The following UHMK1 variants were observed in gnomAD, a reference collection of about 807,000 sequenced individuals.
UHMK1 encodes the protein serine/threonine-protein kinase Kist.
In UHMK1, 18 loss-of-function variants were observed where a neutral mutation model predicts 44.0. The ratio of observed to expected loss-of-function variants is 0.41; its 90% CI spans 0.28 to 0.61. The LOEUF (loss-of-function observed/expected upper bound fraction) is 0.61. Among genes scored for constraint, UHMK1 ranks in the 20% least tolerant of loss-of-function variants. UHMK1 has a pLI of 0.31. For missense variants in UHMK1, 463 were observed against 522.5 expected, an observed-to-expected ratio of 0.89 and a Z score of 1.11; for synonymous variants, 231 against 198.5, an observed-to-expected ratio of 1.16 and a Z score of -1.38.
At chr1:162,519,810 T>C (rs1015976485) in intron 7 of UHMK1, among the ~76,000 whole-genome samples, 6 of 152,216 alleles carry the variant, frequency 3.9e-5, no homozygotes, top group African/African-American at 1.4e-4. Flanking sequence ...TTTCCTGATT[T>C]CTACCCACTT....
Position 162,498,066 on chromosome 1 carries a change from G to C in UHMK1, c.66G>C (p.Leu22=), listed in dbSNP as rs781553559. 6.8e-6 allele frequency: 11 copies of C among 1,607,864 alleles called. No individual in the cohort carries two copies. Among genetic ancestry groups the C allele is most frequent in the African/African-American group, 4.0e-5 (3 of 74,690 alleles). Residue 22 remains leucine, a synonymous_variant, in exon 1 of 8, where the codon CTG becomes CTC. Transcript: ENST00000489294. ...PPRFLEAFGR[L]WQVQSRLGSG... is the part of the protein sequence containing the mutation. The stretch of plus-strand genomic sequence containing the variant: ...GTTTTCTGGAGGCCTTCGGGCGGCT[G>C]TGGCAGGTACAGAGCCGTCTGGGTA...
Position 162,502,632 on chromosome 1 carries a change from A to T in UHMK1, c.754-1122A>T, listed in dbSNP as rs144401029. Among the ~76,000 whole-genome samples the T allele has an allele frequency of 1.7e-3, 265 of 152,244 alleles. No homozygotes were observed. In the East Asian group the frequency reaches 0.018, roughly 10 times the overall value. The stretch of plus-strand genomic sequence containing the variant: ...AATTTGTGTGAAATTTAGAGGGGTG[A>T]TGTGTAGTAATGGGATCTCCAATAT... On this transcript the variant is annotated intron_variant, in intron 3 of 7. Coordinates refer to ENST00000489294, the MANE Select transcript of UHMK1 (RefSeq NM_175866.5).
chr1:162,503,716 C>T (rs758583235), intron 3 of UHMK1, 38 bp from the exon 4 acceptor site: 4 of 1,513,874 alleles, frequency 2.6e-6, no homozygotes, highest in Non-Finnish European at 3.7e-6. Flanking sequence ...TAAATACAGA[C>T]TGAATAACCA....
intron 1 of UHMK1, among the ~76,000 whole-genome samples, chr1:162,498,884 G>T (rs1651162772): frequency 6.6e-6 from 1 of 152,188 alleles, no homozygotes; most frequent in African/African-American, 2.4e-5. Context: ...ACGACAGAAA[G>T]CTTATCATTA....
chr1:162,510,396 G>A (rs1034791752), intron 4 of UHMK1, among the ~76,000 whole-genome samples: 1 of 152,208 alleles, frequency 6.6e-6, no homozygotes, highest in Middle Eastern at 3.4e-3. Context: ...CCCCCACCCA[G>A]CCTCTGGTAA....
chr1:162,528,189 A>G lies in UHMK1; in HGVS notation c.*5639A>G, dbSNP rs1291961701. The G allele has an allele frequency of 2.0e-5, 3 of 152,040 alleles. No individual in the cohort carries two copies. The highest frequency in any genetic ancestry group is 4.4e-5 in the Non-Finnish European group (3 of 67,954). 9.4% of individuals were successfully genotyped at this position (152,040 alleles called of 1,614,324 possible). On this transcript the variant is annotated 3_prime_UTR_variant, in exon 8 of 8. Coordinates refer to ENST00000489294, the MANE Select transcript of UHMK1 (RefSeq NM_175866.5). Reference sequence around the variant, plus strand: ...TTAGTTATTTGAATTATATATAGCTATATTATTTTATTAGCTTGGGTTGTC... The same window carrying G: ...TTAGTTATTTGAATTATATATAGCTGTATTATTTTATTAGCTTGGGTTGTC...
chr1:162,498,026 G>C lies in UHMK1; in HGVS notation c.26G>C (p.Gly9Ala). The C allele has an allele frequency of 6.3e-7, 1 of 1,596,410 alleles. No individual in the cohort carries two copies. Among genetic ancestry groups the C allele is most frequent in the Non-Finnish European group, 8.5e-7 (1 of 1,170,062 alleles). The part of the protein sequence containing the change: MAGSGCAW[G>A]AEPPRFLEAF... ...ATGGCGGGATCCGGCTGCGCCTGGG[G>C]CGCGGAGCCGCCGCGTTTTCTGGAG... The change falls in exon 1 of 8, where the codon GGC becomes GCC. Residue 9 changes from glycine to alanine, a missense_variant. Coordinates refer to ENST00000489294, the MANE Select transcript of UHMK1 (RefSeq NM_175866.5).
At chr1:162,513,286 A>T (rs752688309) in intron 6 of UHMK1, among the ~76,000 whole-genome samples, 1 of 152,066 alleles carries the variant, frequency 6.6e-6, no homozygotes, top group Non-Finnish European at 1.5e-5. Flanking sequence ...TTTACGTTTC[A>T]TCTTTACCCA....
At position 162,520,928 on chromosome 1, in the gene UHMK1, A is replaced by G. The variant is rs1381511256; in HGVS notation, c.1114-1476A>G. 3.3e-5 allele frequency among the ~76,000 whole-genome samples: 5 copies of G among 152,320 alleles called. No individual in the cohort carries two copies. The East Asian group carries it at 9.6e-4, about 29-fold the overall frequency. The stretch of plus-strand genomic sequence containing the variant: ...GAGAGACAGGAGAAGTCTTTTCCAG[A>G]GAGAAGTATCCAGGTTTAAGATGAT... On this transcript the variant is annotated intron_variant, in intron 7 of 7. Transcript: ENST00000489294.
At chr1:162,508,265 C>T (rs1651548065) in intron 4 of UHMK1, among the ~76,000 whole-genome samples, 1 of 151,890 alleles carries the variant, frequency 6.6e-6, no homozygotes, top group African/African-American at 2.4e-5. Flanking sequence ...GCGGATGCTG[C>T]CAGGCCCAAC....
In UHMK1 at chr1:162,524,028, A is replaced by G. The variant is rs551091651; in HGVS notation, c.*1478A>G. The G allele has an allele frequency of 6.5e-4, 99 of 152,008 alleles. No homozygotes were observed. The highest frequency in any genetic ancestry group is 8.4e-4 in the Non-Finnish European group (57 of 67,970). 9.4% of individuals were successfully genotyped at this position (152,008 alleles called of 1,614,324 possible). A position where few individuals can be genotyped will look rare whatever the true frequency, so the allele number is the denominator to read the frequency against. The stretch of plus-strand genomic sequence containing the variant: ...TGTCTTTAAAGATATAAAAATTAGG[A>G]TGCCTTTATGAAGCACTGATTATAC... On this transcript the variant is annotated 3_prime_UTR_variant, in exon 8 of 8. Coordinates refer to ENST00000489294, the MANE Select transcript of UHMK1 (RefSeq NM_175866.5).
At chr1:162,499,512 G>C (rs1651190835) in intron 1 of UHMK1, among the ~76,000 whole-genome samples, 1 of 152,160 alleles carries the variant, frequency 6.6e-6, no homozygotes. Context: ...TTTGGTTTTT[G>C]CGCATTGTGA....
intron 4 of UHMK1, among the ~76,000 whole-genome samples, chr1:162,505,731 G>C (rs923155472): frequency 3.3e-5 from 5 of 152,220 alleles, no homozygotes; most frequent in African/African-American, 9.6e-5. Context: ...CTATGGACTG[G>C]AAGTGAATAA....
At chr1:162,507,513 C>T (rs1651512708) in intron 4 of UHMK1, among the ~76,000 whole-genome samples, 1 of 151,956 alleles carries the variant, frequency 6.6e-6, no homozygotes. Context: ...ACTCAAGTGA[C>T]CTTCCAGCCT....
intron 3 of UHMK1, 123 bp from the exon 4 acceptor site, chr1:162,503,631 A>T: frequency 9.4e-6 from 5 of 533,154 alleles, no homozygotes; most frequent in Non-Finnish European, 1.6e-5. Flanking sequence ...AAAAAAAAAA[A>T]GATTGTAGGC....
chr1:162,498,357 C>T (rs891754773), intron 1 of UHMK1, 89 bp downstream of exon 1: 4 of 1,458,306 alleles, frequency 2.7e-6, no homozygotes, highest in South Asian at 2.8e-5. Flanking sequence ...ATCTTCCTCC[C>T]CTTCTGCGGG....
In UHMK1 at chr1:162,500,908, T is replaced by C. The variant is rs1651243261; in HGVS notation, c.562-5T>C. The C allele has an allele frequency of 5.0e-6, 8 of 1,608,556 alleles. No individual in the cohort carries two copies. Among genetic ancestry groups the C allele is most frequent in the Middle Eastern group, 1.7e-4 (1 of 6,034 alleles). On this transcript the variant is annotated splice_polypyrimidine_tract_variant and splice_region_variant and intron_variant, in intron 2 of 7. Transcript: ENST00000489294. The stretch of plus-strand genomic sequence containing the variant: ...TTGGTTGTAATATTTACTCATCTTT[T>C]TTAGGATGTAAAGTATATTCAGACA...
At chr1:162,518,049 G>GA in intron 6 of UHMK1, 53 bp from the exon 7 acceptor site, 2 of 1,292,744 alleles carry the variant, frequency 1.5e-6, no homozygotes, top group South Asian at 2.5e-5. Flanking sequence ...TTAAAATGTT[G>GA]AATACTTGTT....
At position 162,524,350 on chromosome 1, in the gene UHMK1, A is replaced by G. The variant is rs536640718; in HGVS notation, c.*1800A>G. Reference sequence around the variant, plus strand: ...TAAGGAGGCTGATTTATGAATTACCAAAGGGTCTTGTGGCATGTTCCCCAA... The same window carrying G: ...TAAGGAGGCTGATTTATGAATTACCGAAGGGTCTTGTGGCATGTTCCCCAA... On this transcript the variant is annotated 3_prime_UTR_variant, in exon 8 of 8. Transcript: ENST00000489294. 2.0e-5 allele frequency: 3 copies of G among 152,324 alleles called. No individual in the cohort carries two copies. Among genetic ancestry groups the G allele is most frequent in the African/African-American group, 7.2e-5 (3 of 41,584 alleles). 9.4% of individuals were successfully genotyped at this position (152,324 alleles called of 1,614,324 possible).
Sources: allele counts gnomAD v4.1 joint callset (sites outside exome capture counted in the v4.1 genomes callset), GRCh38; gene constraint gnomAD v4.1.1; transcripts MANE v1.5; gene names NCBI Gene and HGNC (gene_info 2026-07-23, HGNC 2026-07-21).